The following KLHL32 variants were observed in gnomAD, a reference collection of about 807,000 sequenced individuals.
KLHL32 encodes kelch-like protein 32.
A neutral mutation model predicts 64.8 loss-of-function variants in KLHL32; 35 were observed. The observed-to-expected ratio is 0.54, with a 90% CI of 0.41 to 0.72. The LOEUF (loss-of-function observed/expected upper bound fraction) is 0.72, where lower values mean the gene tolerates loss of function less well. KLHL32 is among the 30% of genes least tolerant of loss of function. KLHL32 has a pLI of 0.00. For missense variants in KLHL32, 589 were observed against 768.5 expected (o/e 0.77, Z 2.76); for synonymous variants, 259 against 281.0 (o/e 0.92, Z 0.78).
chr6:97,135,862 C>G (rs1400316230), intron 10 of KLHL32, among the ~76,000 whole-genome samples: 3 of 152,084 alleles, frequency 2.0e-5, no homozygotes, highest in Admixed American at 6.5e-5. Flanking sequence ...GAGAGAATAG[C>G]TACATGTTCA....
In KLHL32 at chr6:97,027,206, G is replaced by A. The variant is rs143188614; in HGVS notation, c.205-14286G>A. On this transcript the variant is annotated intron_variant, in intron 3 of 10. Transcript: ENST00000369261. ...AAAGAAAAGGGATAACAGATCTTAT[G>A]GATGACATTGTGAATTCTAGGACAG... is the stretch of plus-strand genomic sequence containing the variant. Among the ~76,000 whole-genome samples, 186 of 151,822 alleles carry A rather than the reference G, an allele frequency of 1.2e-3. 1 individual carries two copies. The highest frequency in any genetic ancestry group is 9.2e-3 in the Admixed American group (140 of 15,216).
chr6:97,060,070 T>C (rs1788626511), intron 4 of KLHL32, among the ~76,000 whole-genome samples: 1 of 152,208 alleles, frequency 6.6e-6, no homozygotes, highest in Non-Finnish European at 1.5e-5. Flanking sequence ...CTAAAGACCT[T>C]AGTTGTCTGA....
chr6:96,981,778 T>G (rs750915431), intron 3 of KLHL32, among the ~76,000 whole-genome samples: 1 of 152,182 alleles, frequency 6.6e-6, no homozygotes, highest in African/African-American at 2.4e-5. Flanking sequence ...TTTAAATAAT[T>G]TTTTGACTTC....
chr6:97,081,042 G>A (rs1792418637), intron 5 of KLHL32, among the ~76,000 whole-genome samples: 1 of 152,076 alleles, frequency 6.6e-6, no homozygotes. Flanking sequence ...GTTATGGTGA[G>A]GCCAACAGAT....
chr6:97,114,555 T>C (rs547614803), intron 7 of KLHL32, 46 bp downstream of exon 7: 1 of 1,603,364 alleles, frequency 6.2e-7, no homozygotes, highest in African/African-American at 1.3e-5. Flanking sequence ...ACTTTCATTG[T>C]GGTATATATT....
chr6:97,121,090 G>T (rs1299457067), intron 7 of KLHL32, among the ~76,000 whole-genome samples: 1 of 152,162 alleles, frequency 6.6e-6, no homozygotes, highest in Non-Finnish European at 1.5e-5. Context: ...TGTCTTAACT[G>T]TATCCCGAAT....
chr6:97,015,522 C>G (rs1382249269), intron 3 of KLHL32, among the ~76,000 whole-genome samples: 1 of 152,180 alleles, frequency 6.6e-6, no homozygotes, highest in Non-Finnish European at 1.5e-5. Context: ...AGACTGTCGG[C>G]ATTTTGCCCC....
chr6:96,966,884 A>C (rs1774512586), intron 1 of KLHL32, 112 bp from the exon 2 acceptor site: 1 of 577,566 alleles, frequency 1.7e-6, no homozygotes, highest in Non-Finnish European at 3.2e-6. Flanking sequence ...GTGGACAGTA[A>C]AGCTCTCCAA....
chr6:97,139,381 T>G lies in KLHL32; in HGVS notation c.*99T>G. 8 of 1,070,060 alleles carry G rather than the reference T, an allele frequency of 7.5e-6. No individual in the cohort carries two copies. Among genetic ancestry groups the G allele is most frequent in the Non-Finnish European group, 1.1e-5 (8 of 739,428 alleles). 66.3% of individuals were successfully genotyped at this position (1,070,060 alleles called of 1,614,324 possible). A position where few individuals can be genotyped will look rare whatever the true frequency, so the allele number is the denominator to read the frequency against. On this transcript the variant is annotated 3_prime_UTR_variant, in exon 11 of 11. Coordinates refer to ENST00000369261, the MANE Select transcript of KLHL32 (RefSeq NM_052904.4). Reference sequence around the variant, plus strand: ...CTCCATGCTTCCTTGTCTTGCTTTATAGGTCTTATATTCGGATAAATTTAA... The same window carrying G: ...CTCCATGCTTCCTTGTCTTGCTTTAGAGGTCTTATATTCGGATAAATTTAA...
chr6:97,031,983 A>G (rs1783627048), intron 3 of KLHL32, among the ~76,000 whole-genome samples: 1 of 152,198 alleles, frequency 6.6e-6, no homozygotes, highest in Non-Finnish European at 1.5e-5. Flanking sequence ...TATGCCTAAC[A>G]TTAAGCATAA....
chr6:97,097,433 C>T (rs763060500), intron 6 of KLHL32, among the ~76,000 whole-genome samples: 1 of 152,124 alleles, frequency 6.6e-6, no homozygotes, highest in African/African-American at 2.4e-5. Flanking sequence ...GTTTAATGGG[C>T]GCTTGCTGGC....
rs150599282 is a variant in KLHL32, at chr6:97,006,902, C to G, written c.204+30725C>G. 4.0e-3 allele frequency among the ~76,000 whole-genome samples: 608 copies of G among 152,250 alleles called. 2 individuals are homozygous for G. The highest frequency in any genetic ancestry group is 0.014 in the African/African-American group (576 of 41,548). ...TCTCTTTTTAGGTGACCAACCCCTTCTCTCTAGATGCTTTTAAGAGTTTTT... is the reference window on the plus strand; with the variant it reads ...TCTCTTTTTAGGTGACCAACCCCTTGTCTCTAGATGCTTTTAAGAGTTTTT... On this transcript the variant is annotated intron_variant, in intron 3 of 10. Coordinates refer to ENST00000369261, the MANE Select transcript of KLHL32 (RefSeq NM_052904.4).
chr6:97,123,582 G>A (rs1252794270), intron 7 of KLHL32, among the ~76,000 whole-genome samples: 1 of 152,080 alleles, frequency 6.6e-6, no homozygotes, highest in Non-Finnish European at 1.5e-5. Flanking sequence ...TACTTTCACT[G>A]TGGCACTTCA....
At chr6:97,004,704 A>G (rs1779445671) in intron 3 of KLHL32, among the ~76,000 whole-genome samples, 1 of 152,212 alleles carries the variant, frequency 6.6e-6, no homozygotes, top group Non-Finnish European at 1.5e-5. Context: ...AATTTTATCA[A>G]AAGCCTTTTC....
At chr6:97,108,515 A>T (rs1267135741) in intron 6 of KLHL32, among the ~76,000 whole-genome samples, 1 of 152,214 alleles carries the variant, frequency 6.6e-6, no homozygotes, top group African/African-American at 2.4e-5. Flanking sequence ...GGCAGTGAAT[A>T]ATGTTAGATG....
chr6:96,931,696 G>C (rs1030861970), intron 1 of KLHL32, among the ~76,000 whole-genome samples: 1 of 152,106 alleles, frequency 6.6e-6, no homozygotes, highest in Non-Finnish European at 1.5e-5. Flanking sequence ...GTTAAAGACA[G>C]AAAATCCTTT....
chr6:96,966,492 C>T (rs939257468), intron 1 of KLHL32, among the ~76,000 whole-genome samples: 8 of 152,152 alleles, frequency 5.3e-5, no homozygotes, highest in African/African-American at 2.4e-5. Flanking sequence ...TATTCTCTCT[C>T]TATGTTATTT....
intron 6 of KLHL32, among the ~76,000 whole-genome samples, chr6:97,111,298 G>T (rs1409438698): frequency 6.6e-6 from 1 of 152,248 alleles, no homozygotes; most frequent in Non-Finnish European, 1.5e-5. Flanking sequence ...AGAAGAGACA[G>T]ATCTGCATTT....
intron 3 of KLHL32, among the ~76,000 whole-genome samples, chr6:97,016,573 G>A (rs1278949621): frequency 6.6e-6 from 1 of 152,178 alleles, no homozygotes; most frequent in Non-Finnish European, 1.5e-5. Context: ...AGGCTTATAG[G>A]TGGAAGGGAC....
Sources: gnomAD v4.1 joint callset for allele counts (sites outside exome capture counted in the v4.1 genomes callset) on GRCh38, gnomAD v4.1.1 for gene constraint, MANE v1.5 for transcripts, NCBI Gene and HGNC (gene_info 2026-07-23, HGNC 2026-07-21) for gene names.